The following ENTREP2 variants were observed in gnomAD, a reference collection of about 807,000 sequenced individuals.
ENTREP2 encodes endosomal transmembrane epsin interactor 2, also known as protein ENTREP2.
the ENTREP2 span, among the ~76,000 whole-genome samples, chr15:29,587,297 A>G: frequency 2.0e-5 from 3 of 151,954 alleles, no homozygotes; most frequent in African/African-American, 7.3e-5. Flanking sequence ...CCATTTCTCA[A>G]TAAGAGAAAT....
At chr15:29,598,467 C>A in the ENTREP2 span, among the ~76,000 whole-genome samples, 1 of 152,142 alleles carries the variant, frequency 6.6e-6, no homozygotes, top group Non-Finnish European at 1.5e-5. Flanking sequence ...TTTAAGAGAA[C>A]ATTTTGCAGC....
chr15:29,136,640 A>G, the ENTREP2 span: 1 of 925,696 alleles, frequency 1.1e-6, no homozygotes. Context: ...TCAAAGCTTC[A>G]GTCACTGGGC....
At chr15:29,164,471 A>T in the ENTREP2 span, among the ~76,000 whole-genome samples, 1 of 152,176 alleles carries the variant, frequency 6.6e-6, no homozygotes, top group Non-Finnish European at 1.5e-5. Context: ...ACTCACATAA[A>T]GTAAAGAGGT....
chr15:29,235,151 C>T, the ENTREP2 span: 53 of 862,242 alleles, frequency 6.1e-5, no homozygotes, highest in African/African-American at 6.0e-4. Context: ...TCTGCCTGAG[C>T]GAGGTGGGAG....
the ENTREP2 span, among the ~76,000 whole-genome samples, chr15:29,328,845 A>G: frequency 6.6e-6 from 1 of 152,188 alleles, no homozygotes; most frequent in Non-Finnish European, 1.5e-5. Context: ...TTATATATAG[A>G]AATAGTTACA....
the ENTREP2 span, among the ~76,000 whole-genome samples, chr15:29,585,932 T>C: frequency 2.0e-5 from 3 of 151,924 alleles, no homozygotes; most frequent in East Asian, 3.9e-4. Context: ...TGTTAAACTT[T>C]GATTTACCAT....
At chr15:29,409,486 C>T in the ENTREP2 span, among the ~76,000 whole-genome samples, 1 of 151,930 alleles carries the variant, frequency 6.6e-6, no homozygotes, top group Non-Finnish European at 1.5e-5. Context: ...CCACCACACC[C>T]GGCTAATTTT....
the ENTREP2 span, among the ~76,000 whole-genome samples, chr15:29,297,669 G>A: frequency 6.6e-6 from 1 of 152,126 alleles, no homozygotes; most frequent in Admixed American, 6.5e-5. Context: ...TCTTACCAAA[G>A]AGAAAGAACT....
the ENTREP2 span, among the ~76,000 whole-genome samples, chr15:29,176,568 T>C: frequency 1.3e-5 from 2 of 152,134 alleles, no homozygotes; most frequent in African/African-American, 4.8e-5. Flanking sequence ...ACAGGACCCT[T>C]TGCCAGAGAA....
At chr15:29,306,447 A>T in the ENTREP2 span, among the ~76,000 whole-genome samples, 1 of 152,118 alleles carries the variant, frequency 6.6e-6, no homozygotes, top group Non-Finnish European at 1.5e-5. Flanking sequence ...GAGAAGAAAA[A>T]GGTTTGCTTT....
the ENTREP2 span, among the ~76,000 whole-genome samples, chr15:29,444,243 AAAG>A: frequency 7.0e-6 from 1 of 143,644 alleles, no homozygotes; most frequent in Non-Finnish European, 1.5e-5. Context: ...AGAAAGAAAG[AAAG>A]AAAGAGAAAG....
chr15:29,351,427 TAAC>T, the ENTREP2 span, among the ~76,000 whole-genome samples: 1 of 152,178 alleles, frequency 6.6e-6, no homozygotes, highest in Non-Finnish European at 1.5e-5. Flanking sequence ...TAATCAATAA[TAAC>T]AGGTGTGTGA....
At chr15:29,229,876 C>G in the ENTREP2 span, among the ~76,000 whole-genome samples, 11 of 152,118 alleles carry the variant, frequency 7.2e-5, no homozygotes, top group Non-Finnish European at 1.3e-4. Flanking sequence ...TCTCAGACCA[C>G]TTTGGTGACT....
At chr15:29,369,987 T>C in the ENTREP2 span, among the ~76,000 whole-genome samples, 7 of 152,220 alleles carry the variant, frequency 4.6e-5, no homozygotes, top group Admixed American at 2.6e-4. Flanking sequence ...GGAGATGCGA[T>C]TGTCCAATCT....
chr15:29,119,966 C>T, the ENTREP2 span, among the ~76,000 whole-genome samples: 127,122 of 152,150 alleles, frequency 0.84, 53,910 homozygotes, highest in South Asian at 0.94. Flanking sequence ...AAGGAAACAT[C>T]TGAGCCATGG....
the ENTREP2 span, among the ~76,000 whole-genome samples, chr15:29,487,495 G>A: frequency 6.6e-6 from 1 of 152,092 alleles, no homozygotes; most frequent in Non-Finnish European, 1.5e-5. Context: ...ATCATGTTTT[G>A]GCATCTGGTG....
At chr15:29,140,523 C>G in the ENTREP2 span, among the ~76,000 whole-genome samples, 1 of 152,190 alleles carries the variant, frequency 6.6e-6, no homozygotes, top group Non-Finnish European at 1.5e-5. Context: ...CATCTGGTTT[C>G]CAGCTTCCTA....
chr15:29,235,421 G>T, the ENTREP2 span, among the ~76,000 whole-genome samples: 1 of 151,930 alleles, frequency 6.6e-6, no homozygotes, highest in African/African-American at 2.4e-5. Flanking sequence ...CCACACCTTA[G>T]CTTTTCTTTG....
At chr15:29,496,322 G>T in the ENTREP2 span, among the ~76,000 whole-genome samples, 1 of 151,644 alleles carries the variant, frequency 6.6e-6, no homozygotes, top group Non-Finnish European at 1.5e-5. Context: ...TCTATTACAA[G>T]ATCACATCTC....
Sources: allele counts gnomAD v4.1 joint callset (sites outside exome capture counted in the v4.1 genomes callset), GRCh38; gene constraint gnomAD v4.1.1; transcripts MANE v1.5; gene names NCBI Gene and HGNC (gene_info 2026-07-23, HGNC 2026-07-21).